KCNIP4: variants seen among roughly 807,000 people sequenced by gnomAD.
KCNIP4 encodes the protein Kv channel-interacting protein 4.
Under a neutral mutation model 34.0 loss-of-function variants are expected in KCNIP4, and 12 were observed. The observed-to-expected ratio is 0.35, with a 90% CI of 0.23 to 0.57. The LOEUF (loss-of-function observed/expected upper bound fraction) is 0.57, where lower values mean the gene tolerates loss of function less well. Ranked by LOEUF, KCNIP4 falls within the 20% of genes least tolerant of loss-of-function variation. KCNIP4 has a pLI of 0.83. For synonymous variants in KCNIP4, 124 were observed against 102.2 expected, an observed-to-expected ratio of 1.21 and a Z score of -1.29; for missense variants, 238 against 311.7, an observed-to-expected ratio of 0.76 and a Z score of 1.78.
rs1479037003 is a variant in KCNIP4 at position 21,109,100 on chromosome 4, C to T, written c.62-226391G>A. Among the ~76,000 whole-genome samples, 26 of 152,152 alleles carry T rather than the reference C, an allele frequency of 1.7e-4. No individual in the cohort carries two copies. In the East Asian group the frequency reaches 1.7e-3, roughly 10 times the overall value. ...CTGCCCGTTCTCAGATCTCCAGCTG[C>T]GTGCTGGGAGAACCACTGCTCTCTT... On this transcript the variant is annotated intron_variant, in intron 1 of 8. Coordinates refer to ENST00000382152, the MANE Select transcript of KCNIP4 (RefSeq NM_025221.6).
chr4:21,516,180 A>C (rs546290682), intron 1 of KCNIP4, among the ~76,000 whole-genome samples: 20 of 152,288 alleles, frequency 1.3e-4, no homozygotes, highest in African/African-American at 4.6e-4. Context: ...GGGAGGAATC[A>C]TAGTGTCTTC....
chr4:21,532,015 A>C (rs1736721800), intron 1 of KCNIP4, among the ~76,000 whole-genome samples: 1 of 152,134 alleles, frequency 6.6e-6, no homozygotes, highest in Non-Finnish European at 1.5e-5. Flanking sequence ...ATTTTCAGCA[A>C]CTGTCAGAGT....
chr4:21,666,312 T>C (rs1346114020), intron 1 of KCNIP4, among the ~76,000 whole-genome samples: 4 of 152,228 alleles, frequency 2.6e-5, no homozygotes, highest in Admixed American at 2.6e-4. Flanking sequence ...ATCAATAAGT[T>C]GAATCTTGAC....
At chr4:21,318,354 A>G (rs16870808) in intron 1 of KCNIP4, among the ~76,000 whole-genome samples, 5,645 of 152,268 alleles carry the variant, frequency 0.037, 211 homozygotes, top group South Asian at 0.13. Flanking sequence ...TTGGAAGTTC[A>G]CAGCATCATT....
At chr4:20,745,582 G>C (rs1752246518) in intron 5 of KCNIP4, among the ~76,000 whole-genome samples, 1 of 152,174 alleles carries the variant, frequency 6.6e-6, no homozygotes, top group African/African-American at 2.4e-5. Flanking sequence ...AATGTGAAAG[G>C]AGGTTATATC....
chr4:21,820,135 T>G (rs1046308064), intron 1 of KCNIP4, among the ~76,000 whole-genome samples: 6 of 151,660 alleles, frequency 4.0e-5, no homozygotes, highest in African/African-American at 1.2e-4. Flanking sequence ...CAAATGATCA[T>G]AAAAAATTAG....
At chr4:20,976,936 C>T (rs765997233) in intron 1 of KCNIP4, among the ~76,000 whole-genome samples, 5 of 152,024 alleles carry the variant, frequency 3.3e-5, no homozygotes, top group African/African-American at 7.3e-5. Context: ...TGGGTTCAAG[C>T]GATTCTCCCA....
At chr4:21,129,961 C>A in intron 1 of KCNIP4, among the ~76,000 whole-genome samples, 1 of 152,064 alleles carries the variant, frequency 6.6e-6, no homozygotes, top group East Asian at 1.9e-4. Flanking sequence ...ACATACCATC[C>A]TCCTACCTAT....
chr4:21,025,548 T>TTTTTTTG lies in KCNIP4; in HGVS notation c.62-142840_62-142839insCAAAAAA, dbSNP rs1560656383. 1.9e-4 allele frequency among the ~76,000 whole-genome samples: 12 copies of TTTTTTTG among 64,318 alleles called. 2 individuals are homozygous for TTTTTTTG. Among genetic ancestry groups the TTTTTTTG allele is most frequent in the Non-Finnish European group, 3.2e-4 (10 of 31,652 alleles). The allele number at this position is 64,318 out of a possible 152,430, so 42.2% of individuals were successfully genotyped here. A position where few individuals can be genotyped will look rare whatever the true frequency, so the allele number is the denominator to read the frequency against. ...AAAGGTCACTCATTGATACTGTTTTTTTTTTTTTTTTTTTTTTTTTTTTGA... is the reference window on the plus strand; with the variant it reads ...AAAGGTCACTCATTGATACTGTTTTTTTTTTTGTTTTTTTTTTTTTTTTTTTTTTTGA... On this transcript the variant is annotated intron_variant, in intron 1 of 8. Coordinates refer to ENST00000382152, the MANE Select transcript of KCNIP4 (RefSeq NM_025221.6).
intron 3 of KCNIP4, among the ~76,000 whole-genome samples, chr4:20,792,933 A>T (rs1216904800): frequency 6.6e-6 from 1 of 152,194 alleles, no homozygotes; most frequent in Non-Finnish European, 1.5e-5. Flanking sequence ...GTTGTTGAGG[A>T]TGTAAACAAA....
At chr4:21,132,964 G>A (rs1751195931) in intron 1 of KCNIP4, among the ~76,000 whole-genome samples, 1 of 151,120 alleles carries the variant, frequency 6.6e-6, no homozygotes, top group Non-Finnish European at 1.5e-5. Flanking sequence ...AGTCAGCTGA[G>A]ATGGTGCCAC....
chr4:21,195,749 T>C (rs1756007885), intron 1 of KCNIP4, among the ~76,000 whole-genome samples: 1 of 152,212 alleles, frequency 6.6e-6, no homozygotes, highest in South Asian at 2.1e-4. Context: ...AAAATTGCCT[T>C]CACTTTGATT....
intron 3 of KCNIP4, among the ~76,000 whole-genome samples, chr4:20,848,032 G>GT (rs1720580973): frequency 6.6e-6 from 1 of 152,034 alleles, no homozygotes; most frequent in Non-Finnish European, 1.5e-5. Flanking sequence ...CCTGCTTAGT[G>GT]TATTTCGGCT....
chr4:21,644,377 A>G (rs1255365981), intron 1 of KCNIP4, among the ~76,000 whole-genome samples: 1 of 152,186 alleles, frequency 6.6e-6, no homozygotes, highest in Non-Finnish European at 1.5e-5. Flanking sequence ...CGAAAGAACT[A>G]GATTGATGGG....
intron 1 of KCNIP4, among the ~76,000 whole-genome samples, chr4:21,334,508 C>G (rs897222321): frequency 2.6e-5 from 4 of 151,886 alleles, no homozygotes; most frequent in African/African-American, 9.7e-5. Context: ...TTTAAAATAG[C>G]TTTTTTTGAG....
chr4:20,811,392 C>T (rs1213983473), intron 3 of KCNIP4, among the ~76,000 whole-genome samples: 1 of 152,104 alleles, frequency 6.6e-6, no homozygotes, highest in Non-Finnish European at 1.5e-5. Context: ...TCCTAATGAA[C>T]CTGCTTAAGT....
chr4:20,980,445 C>T (rs1452181499), intron 1 of KCNIP4, among the ~76,000 whole-genome samples: 1 of 152,116 alleles, frequency 6.6e-6, no homozygotes, highest in Non-Finnish European at 1.5e-5. Context: ...TTACAAATTG[C>T]TTTTGAGTCC....
At chr4:21,263,066 A>G (rs1370518388) in intron 1 of KCNIP4, among the ~76,000 whole-genome samples, 1 of 152,156 alleles carries the variant, frequency 6.6e-6, no homozygotes, top group Non-Finnish European at 1.5e-5. Context: ...ATGTCCATCA[A>G]GTAGCTTCTG....
At chr4:21,908,055 G>A (rs952221823) in intron 1 of KCNIP4, among the ~76,000 whole-genome samples, 13 of 151,946 alleles carry the variant, frequency 8.6e-5, no homozygotes, top group African/African-American at 3.1e-4. Flanking sequence ...GCCCCTTCCT[G>A]CTCCAAAAGT....
Sources: gnomAD v4.1 joint callset for allele counts (sites outside exome capture counted in the v4.1 genomes callset) on GRCh38, gnomAD v4.1.1 for gene constraint, MANE v1.5 for transcripts, NCBI Gene and HGNC (gene_info 2026-07-23, HGNC 2026-07-21) for gene names.